The following NMNAT2 variants were observed in gnomAD, a reference collection of about 807,000 sequenced individuals.
NMNAT2 encodes the protein nicotinamide nucleotide adenylyltransferase 2.
NMNAT2 carries 11 observed loss-of-function variants against 41.6 expected under a neutral mutation model. The observed-to-expected ratio is 0.26, with a 90% CI of 0.17 to 0.44. NMNAT2 has a LOEUF of 0.44. Ranked by LOEUF, NMNAT2 falls within the 20% of genes least tolerant of loss-of-function variation. The pLI is 1.00. For missense variants in NMNAT2, 288 were observed against 407.7 expected (o/e 0.71, Z 2.53); for synonymous variants, 148 against 151.2 (o/e 0.98, Z 0.16).
At chr1:183,380,676 A>G (rs956114581) in intron 1 of NMNAT2, among the ~76,000 whole-genome samples, 8 of 152,204 alleles carry the variant, frequency 5.3e-5, no homozygotes, top group Non-Finnish European at 8.8e-5. Flanking sequence ...CTCTCCTTCA[A>G]TTTAAAAAAT....
chr1:183,360,223 G>A (rs1663276865), intron 1 of NMNAT2, among the ~76,000 whole-genome samples: 1 of 152,036 alleles, frequency 6.6e-6, no homozygotes, highest in South Asian at 2.1e-4. Flanking sequence ...CTGGAACAGA[G>A]GAAATATGAA....
At chr1:183,322,676 T>C (rs933947636) in intron 1 of NMNAT2, among the ~76,000 whole-genome samples, 4 of 152,190 alleles carry the variant, frequency 2.6e-5, no homozygotes, top group Admixed American at 6.5e-5. Context: ...ATAAGCGATC[T>C]GGAGCCTAAC....
At chr1:183,293,460 C>T (rs1661596175) in intron 2 of NMNAT2, among the ~76,000 whole-genome samples, 1 of 152,252 alleles carries the variant, frequency 6.6e-6, no homozygotes, top group East Asian at 1.9e-4. Context: ...TGAGTCCTGA[C>T]CAGCCCGTAA....
chr1:183,338,988 G>A (rs1463292094), intron 1 of NMNAT2, among the ~76,000 whole-genome samples: 1 of 152,156 alleles, frequency 6.6e-6, no homozygotes, highest in Non-Finnish European at 1.5e-5. Flanking sequence ...ATTTAGTAAG[G>A]CTGATTTCAC....
Position 183,368,054 on chromosome 1 carries a change from T to G in NMNAT2, c.85+50129A>C, listed in dbSNP as rs1364836760. On this transcript the variant is annotated intron_variant, in intron 1 of 10. Transcript: ENST00000287713. ...TGCTGAATGTGATAATTAAACGTGG[T>G]CTTGTGTTTTGTATCTCTTTGTTTC... Among the ~76,000 whole-genome samples, 6 of 152,324 alleles carry G rather than the reference T, an allele frequency of 3.9e-5. No individual in the cohort carries two copies. The South Asian group carries it at 8.3e-4, about 21-fold the overall frequency.
intron 8 of NMNAT2, among the ~76,000 whole-genome samples, chr1:183,265,411 C>T (rs775103120): frequency 1.3e-5 from 2 of 151,872 alleles, no homozygotes; most frequent in Admixed American, 1.3e-4. Context: ...GGATTACAGG[C>T]ATGCGCCACC....
intron 1 of NMNAT2, among the ~76,000 whole-genome samples, chr1:183,400,768 C>A (rs1265450365): frequency 6.6e-6 from 1 of 152,098 alleles, no homozygotes; most frequent in Non-Finnish European, 1.5e-5. Context: ...CACATATCTA[C>A]AATCATCTGA....
chr1:183,351,322 TG>T (rs1002832593), intron 1 of NMNAT2, among the ~76,000 whole-genome samples: 8 of 152,186 alleles, frequency 5.3e-5, no homozygotes, highest in Non-Finnish European at 1.0e-4. Flanking sequence ...ATTCTTCATA[TG>T]GGCCACAGGG....
chr1:183,416,685 A>C (rs1429418107), intron 1 of NMNAT2, among the ~76,000 whole-genome samples: 2 of 152,166 alleles, frequency 1.3e-5, no homozygotes, highest in African/African-American at 4.8e-5. Context: ...TATCGTGTAG[A>C]TATGCCTACC....
Position 183,341,345 on chromosome 1 carries a change from C to A in NMNAT2, c.86-47552G>T, listed in dbSNP as rs570553646. On this transcript the variant is annotated intron_variant, in intron 1 of 10. Coordinates refer to ENST00000287713, the MANE Select transcript of NMNAT2 (RefSeq NM_015039.4). ...AAGTGAGGCATTTTGGGACAACTGGCCACACATAATAGACACCCAATAAAT... is the reference window on the plus strand; with the variant it reads ...AAGTGAGGCATTTTGGGACAACTGGACACACATAATAGACACCCAATAAAT... 3.2e-4 allele frequency among the ~76,000 whole-genome samples: 49 copies of A among 151,882 alleles called. 1 individual carries two copies. Among genetic ancestry groups the A allele is most frequent in the Middle Eastern group, 3.4e-3 (1 of 294 alleles).
chr1:183,328,347 T>C (rs1662512648), intron 1 of NMNAT2, among the ~76,000 whole-genome samples: 1 of 152,178 alleles, frequency 6.6e-6, no homozygotes, highest in Non-Finnish European at 1.5e-5. Flanking sequence ...ATACGGACCC[T>C]CAGAGAGCAT....
At chr1:183,347,310 G>T (rs1662952020) in intron 1 of NMNAT2, among the ~76,000 whole-genome samples, 1 of 152,080 alleles carries the variant, frequency 6.6e-6, no homozygotes, top group Non-Finnish European at 1.5e-5. Flanking sequence ...AGAAACATTA[G>T]CTGGGCATGG....
chr1:183,382,145 G>A (rs1055795642), intron 1 of NMNAT2, among the ~76,000 whole-genome samples: 17 of 152,262 alleles, frequency 1.1e-4, no homozygotes, highest in East Asian at 7.7e-4. Context: ...AATGGTGGAA[G>A]GTGAGAGGAA....
At chr1:183,310,249 A>G (rs1343966850) in intron 1 of NMNAT2, among the ~76,000 whole-genome samples, 1 of 152,196 alleles carries the variant, frequency 6.6e-6, no homozygotes, top group Admixed American at 6.5e-5. Flanking sequence ...TCTGAATCTT[A>G]GTATCTCTAG....
In NMNAT2 at chr1:183,278,580, G is replaced by A. The variant is rs776870215; in HGVS notation, c.624C>T (p.Cys208=). ...CTGCCTCGTTCCAGAGCCCTGGGAT[G>A]CAGAAGGACTCCAGCAGGTCACTAC... is the stretch of plus-strand genomic sequence containing the variant. ...LCGSDLLESF[C]IPGLWNEADM... is the part of the protein sequence containing the mutation. Residue 208 remains cysteine, a synonymous_variant, in exon 8 of 11, where the codon TGC becomes TGT. Transcript: ENST00000287713. 43 of 1,613,622 alleles carry A rather than the reference G, an allele frequency of 2.7e-5. No homozygotes were observed. The Middle Eastern group carries it at 6.6e-4, about 25-fold the overall frequency.
chr1:183,339,376 C>A (rs1293738531), intron 1 of NMNAT2, among the ~76,000 whole-genome samples: 2 of 152,182 alleles, frequency 1.3e-5, no homozygotes, highest in Non-Finnish European at 2.9e-5. Flanking sequence ...GGATTACAGG[C>A]AAGAGCCATG....
intron 1 of NMNAT2, among the ~76,000 whole-genome samples, chr1:183,379,390 A>T (rs778994175): frequency 2.4e-4 from 36 of 152,042 alleles, no homozygotes; most frequent in Non-Finnish European, 3.1e-4. Flanking sequence ...TATGTTGCCC[A>T]GGCTGGTCTT....
rs1342885566 is a variant in NMNAT2 at position 183,248,859 on chromosome 1, T to C, written c.*3782A>G. 1 of 151,962 alleles carries C rather than the reference T, an allele frequency of 6.6e-6. No individual in the cohort carries two copies. The highest frequency in any genetic ancestry group is 1.5e-5 in the Non-Finnish European group (1 of 68,132). The allele number at this position is 151,962 out of a possible 1,614,324, so 9.4% of individuals were successfully genotyped here. On this transcript the variant is annotated 3_prime_UTR_variant, in exon 11 of 11. Coordinates refer to ENST00000287713, the MANE Select transcript of NMNAT2 (RefSeq NM_015039.4). The stretch of plus-strand genomic sequence containing the variant: ...TACTGTTTGGATGAGTAAAATGTAA[T>C]AACATGCTTCTCTCTCTTAGTCCCC...
intron 1 of NMNAT2, among the ~76,000 whole-genome samples, chr1:183,368,132 TA>T (rs2102364009): frequency 6.6e-6 from 1 of 152,338 alleles, no homozygotes; most frequent in Admixed American, 6.5e-5. Flanking sequence ...TAATATTTAT[TA>T]TATAAAAGTA....
Sources: gnomAD v4.1 joint callset for allele counts (sites outside exome capture counted in the v4.1 genomes callset) on GRCh38, gnomAD v4.1.1 for gene constraint, MANE v1.5 for transcripts, NCBI Gene and HGNC (gene_info 2026-07-23, HGNC 2026-07-21) for gene names.